KANSL1L: variants seen among roughly 807,000 people sequenced by gnomAD.
The protein encoded by KANSL1L is KAT8 regulatory NSL complex subunit 1-like protein.
A neutral mutation model predicts 108.6 loss-of-function variants in KANSL1L; 25 were observed. The ratio of observed to expected loss-of-function variants is 0.23; its 90% CI spans 0.17 to 0.32. The LOEUF (loss-of-function observed/expected upper bound fraction) is 0.32. Ranked by LOEUF, KANSL1L falls within the 10% of genes least tolerant of loss-of-function variation. The pLI is 1.00. For synonymous variants in KANSL1L, 405 were observed against 395.1 expected (o/e 1.03, Z -0.30); for missense variants, 1,137 against 1,125.7 (o/e 1.01, Z -0.14).
At chr2:210,029,330 C>T (rs2093982457) in intron 10 of KANSL1L, among the ~76,000 whole-genome samples, 1 of 152,038 alleles carries the variant, frequency 6.6e-6, no homozygotes, top group African/African-American at 2.4e-5. Flanking sequence ...TTAGGAAAGG[C>T]AGTGAAACAT....
At position 210,024,210 on chromosome 2, in the gene KANSL1L, A is replaced by G. The variant is rs1434570308; in HGVS notation, c.2565-9T>C. The G allele has an allele frequency of 1.9e-6, 3 of 1,541,116 alleles. No homozygotes were observed. Among genetic ancestry groups the G allele is most frequent in the Non-Finnish European group, 2.6e-6 (3 of 1,143,902 alleles). ...CATTTTTACTGTAAGCTCTAGCAAG[A>G]AAATCAGGAAAACACAATTATTTTT... On this transcript the variant is annotated splice_polypyrimidine_tract_variant and intron_variant, in intron 13 of 14. Transcript: ENST00000281772.
chr2:210,145,049 G>C (rs1314183125), intron 2 of KANSL1L, among the ~76,000 whole-genome samples: 2 of 152,202 alleles, frequency 1.3e-5, no homozygotes, highest in East Asian at 3.9e-4. Flanking sequence ...TAAGGGCATA[G>C]CAGCATAATC....
In KANSL1L at chr2:210,166,618, A is replaced by G. The variant is rs943277175; in HGVS notation, c.-30+4531T>C. The stretch of plus-strand genomic sequence containing the variant: ...CCATATATGCCATGGAAAATATCCT[A>G]TCCAAATCTGCCCCTGAACATTAAA... On this transcript the variant is annotated intron_variant, in intron 1 of 14. Transcript: ENST00000281772. 2.0e-5 allele frequency among the ~76,000 whole-genome samples: 3 copies of G among 152,128 alleles called. No individual in the cohort carries two copies. The South Asian group carries it at 6.2e-4, about 32-fold the overall frequency.
intron 2 of KANSL1L, among the ~76,000 whole-genome samples, chr2:210,141,166 T>C (rs1362647594): frequency 2.3e-5 from 2 of 88,560 alleles, no homozygotes; most frequent in African/African-American, 6.3e-5. Flanking sequence ...TCCTCTCTGT[T>C]TTCTTTCTTT....
chr2:210,091,784 C>G (rs1005011759), intron 5 of KANSL1L, among the ~76,000 whole-genome samples: 1 of 152,004 alleles, frequency 6.6e-6, no homozygotes, highest in Non-Finnish European at 1.5e-5. Context: ...GTTCTTGAAC[C>G]CTTCTTCATC....
At chr2:210,122,642 A>G (rs1044461328) in intron 3 of KANSL1L, among the ~76,000 whole-genome samples, 2 of 152,182 alleles carry the variant, frequency 1.3e-5, no homozygotes, top group African/African-American at 4.8e-5. Flanking sequence ...GTAATACCCC[A>G]CAAGCACAGG....
rs998364366 is a variant in KANSL1L, at chr2:210,153,742, T to C, written c.841A>G (p.Ile281Val). 8.1e-6 allele frequency: 13 copies of C among 1,606,714 alleles called. No homozygotes were observed. Among genetic ancestry groups the C allele is most frequent in the South Asian group, 2.2e-5 (2 of 89,332 alleles). Residue 281 changes from isoleucine to valine, a missense_variant, in exon 2 of 15, where the codon ATT (isoleucine) becomes GTT (valine). Around this residue, in one of 3 missense-constraint regions of KANSL1L, gnomAD observed 556 missense variants for 537.7 expected, o/e 1.03. Coordinates refer to ENST00000281772, the MANE Select transcript of KANSL1L (RefSeq NM_152519.4). Reference sequence around the variant, plus strand: ...CATTTAGGTAAACTATTACCCAAAATTGTGGTAGGTTCATGAAATGTCTTC... The same window carrying C: ...CATTTAGGTAAACTATTACCCAAAACTGTGGTAGGTTCATGAAATGTCTTC... Reference protein sequence around the residue: ...KMKTFHEPTTILGNSLPKCTE... With the variant: ...KMKTFHEPTTVLGNSLPKCTE...
chr2:210,024,500 A>G (rs1427097404), intron 13 of KANSL1L, among the ~76,000 whole-genome samples: 1 of 152,090 alleles, frequency 6.6e-6, no homozygotes, highest in Non-Finnish European at 1.5e-5. Flanking sequence ...CTCCTTAACT[A>G]AAGTGACTAC....
At chr2:210,150,472 T>C (rs1439956786) in intron 2 of KANSL1L, among the ~76,000 whole-genome samples, 1 of 152,158 alleles carries the variant, frequency 6.6e-6, no homozygotes, top group East Asian at 1.9e-4. Flanking sequence ...AAAATTGACA[T>C]GCCTTTGAGA....
intron 8 of KANSL1L, 141 bp from the exon 9 acceptor site, chr2:210,031,687 A>T (rs1392356348): frequency 6.0e-6 from 3 of 503,266 alleles, no homozygotes; most frequent in South Asian, 3.6e-5. Flanking sequence ...AAGACACACA[A>T]CTCCAACTAA....
intron 6 of KANSL1L, among the ~76,000 whole-genome samples, chr2:210,065,292 A>C (rs1331557435): frequency 0.07 from 160 of 2,298 alleles, no homozygotes; most frequent in African/African-American, 0.1. Context: ...CTCTGTCTCA[A>C]AAAAAAAAAA....
chr2:210,146,843 T>A (rs1202441832), intron 2 of KANSL1L, among the ~76,000 whole-genome samples: 2 of 152,226 alleles, frequency 1.3e-5, no homozygotes, highest in Non-Finnish European at 2.9e-5. Context: ...AACTTCAACT[T>A]TATAATAATA....
intron 6 of KANSL1L, among the ~76,000 whole-genome samples, chr2:210,074,645 G>A (rs554412485): frequency 2.6e-5 from 4 of 152,290 alleles, no homozygotes; most frequent in East Asian, 1.9e-4. Flanking sequence ...ATAAGCCACC[G>A]TGCCGGGCAG....
At chr2:210,104,634 A>C (rs904872761) in intron 3 of KANSL1L, among the ~76,000 whole-genome samples, 1 of 152,188 alleles carries the variant, frequency 6.6e-6, no homozygotes, top group Non-Finnish European at 1.5e-5. Flanking sequence ...TTCAGATTGA[A>C]ATCTAGAATA....
chr2:210,052,426 G>A (rs2094303817), intron 6 of KANSL1L, among the ~76,000 whole-genome samples: 1 of 152,168 alleles, frequency 6.6e-6, no homozygotes, highest in Non-Finnish European at 1.5e-5. Context: ...ACCAAGGTCA[G>A]CTATATTCTC....
intron 6 of KANSL1L, among the ~76,000 whole-genome samples, chr2:210,056,049 AC>A (rs1308232767): frequency 6.6e-6 from 1 of 151,910 alleles, no homozygotes; most frequent in African/African-American, 2.4e-5. Context: ...TGCGCCCAGG[AC>A]CCCCCTGCTC....
intron 3 of KANSL1L, among the ~76,000 whole-genome samples, chr2:210,111,689 AAACAAG>A (rs1480223871): frequency 6.6e-6 from 1 of 152,194 alleles, no homozygotes; most frequent in Non-Finnish European, 1.5e-5. Context: ...AACATCAAAT[AAACAAG>A]AACATCTTTT....
At chr2:210,145,582 G>A (rs766598417) in intron 2 of KANSL1L, among the ~76,000 whole-genome samples, 4 of 152,186 alleles carry the variant, frequency 2.6e-5, no homozygotes, top group African/African-American at 7.2e-5. Context: ...GCTCCAGGGC[G>A]CAGGATACAG....
At chr2:210,167,428 TC>T (rs1688052325) in intron 1 of KANSL1L, among the ~76,000 whole-genome samples, 1 of 151,974 alleles carries the variant, frequency 6.6e-6, no homozygotes, top group African/African-American at 2.4e-5. Context: ...ATCAAACAGA[TC>T]ATACTTCAAG....
Sources: allele counts gnomAD v4.1 joint callset (sites outside exome capture counted in the v4.1 genomes callset), GRCh38; gene constraint gnomAD v4.1.1; regional missense constraint gnomAD v4.1.1; transcripts MANE v1.5; gene names NCBI Gene and HGNC (gene_info 2026-07-23, HGNC 2026-07-21).